The following SSBP2 variants were observed in gnomAD, a reference collection of about 807,000 sequenced individuals.
SSBP2 encodes the protein single-stranded DNA-binding protein 2.
In SSBP2, 17 loss-of-function variants were observed where a neutral mutation model predicts 61.8. That is an observed-to-expected ratio of 0.28 (90% CI 0.19 to 0.41). The LOEUF (loss-of-function observed/expected upper bound fraction) is 0.41, where lower values mean the gene tolerates loss of function less well. Ranked by LOEUF, SSBP2 falls within the 10% of genes least tolerant of loss-of-function variation. The probability of loss-of-function intolerance (pLI) is 1.00; values close to 1 mark genes in which losing one functional copy is unlikely to be tolerated. For missense variants in SSBP2, 310 were observed against 458.7 expected, an observed-to-expected ratio of 0.68 and a Z score of 2.96; for synonymous variants, 139 against 141.3, an observed-to-expected ratio of 0.98 and a Z score of 0.12.
intron 1 of SSBP2, among the ~76,000 whole-genome samples, chr5:81,683,054 G>A (rs1182460966): frequency 1.3e-5 from 2 of 152,042 alleles, no homozygotes; most frequent in Non-Finnish European, 2.9e-5. Context: ...TCATGGAGAG[G>A]AAGACTCAAT....
At chr5:81,439,905 T>C (rs1476632208) in intron 14 of SSBP2, among the ~76,000 whole-genome samples, 1 of 151,916 alleles carries the variant, frequency 6.6e-6, no homozygotes, top group Non-Finnish European at 1.5e-5. Flanking sequence ...TCTCCTGACC[T>C]CATGATCTGC....
intron 1 of SSBP2, among the ~76,000 whole-genome samples, chr5:81,663,296 G>A (rs1001392801): frequency 1.7e-4 from 26 of 151,954 alleles, no homozygotes; most frequent in African/African-American, 5.6e-4. Flanking sequence ...ATACATGTCC[G>A]TATGTATGTA....
In SSBP2 at chr5:81,455,736, A is replaced by G. The variant is rs113009024; in HGVS notation, c.687+5319T>C. On this transcript the variant is annotated intron_variant, in intron 10 of 16. Transcript: ENST00000320672. ...AAAGGTAAAAATGAAGATGTAGAAG[A>G]TAAGCAAAATTAGAGGATTAGAAAG... is the stretch of plus-strand genomic sequence containing the variant. Among the ~76,000 whole-genome samples the G allele has an allele frequency of 9.3e-3, 1,417 of 152,186 alleles. 17 individuals are homozygous for G. Among genetic ancestry groups the G allele is most frequent in the African/African-American group, 0.032 (1,334 of 41,556 alleles).
intron 1 of SSBP2, among the ~76,000 whole-genome samples, chr5:81,722,521 T>C (rs1253575791): frequency 6.6e-6 from 1 of 151,576 alleles, no homozygotes; most frequent in African/African-American, 2.4e-5. Context: ...TTTACAAGAA[T>C]GGCATGCCCT....
At chr5:81,513,266 C>T (rs1272623523) in intron 5 of SSBP2, among the ~76,000 whole-genome samples, 1 of 152,054 alleles carries the variant, frequency 6.6e-6, no homozygotes, top group Admixed American at 6.6e-5. Flanking sequence ...ACAGCCAAAT[C>T]TTAATCATCT....
chr5:81,656,501 C>G (rs921644520), intron 1 of SSBP2, among the ~76,000 whole-genome samples: 1 of 151,964 alleles, frequency 6.6e-6, no homozygotes, highest in Non-Finnish European at 1.5e-5. Flanking sequence ...TCTGGGGGAA[C>G]AGGTGGTATT....
intron 1 of SSBP2, among the ~76,000 whole-genome samples, chr5:81,679,155 C>T (rs562730176): frequency 2.0e-5 from 3 of 152,296 alleles, no homozygotes; most frequent in Non-Finnish European, 2.9e-5. Context: ...ATTATAGGTA[C>T]ACACCACCAC....
Position 81,466,982 on chromosome 5 carries a change from T to A in SSBP2, c.630A>T (p.Gly210=), listed in dbSNP as rs769034279. ...GATATAACATTGCTTACATGTTCAT[T>A]CCAGGCATTCCAGGGCCACCTAAAG... is the stretch of plus-strand genomic sequence containing the variant. The change falls in exon 9 of 17, where the codon GGA becomes GGT. Residue 210 remains glycine (G), a synonymous_variant. Transcript: ENST00000320672. 1.2e-6 allele frequency: 2 copies of A among 1,605,888 alleles called. No individual in the cohort carries two copies. Among genetic ancestry groups the A allele is most frequent in the Non-Finnish European group, 8.5e-7 (1 of 1,173,880 alleles).
intron 1 of SSBP2, among the ~76,000 whole-genome samples, chr5:81,672,350 G>A (rs1172329823): frequency 6.6e-6 from 1 of 151,892 alleles, no homozygotes; most frequent in African/African-American, 2.4e-5. Flanking sequence ...AAAATCATAA[G>A]CAAATACCCA....
chr5:81,581,532 G>GA lies in SSBP2; in HGVS notation c.282+33940dup, dbSNP rs1774647863. Among the ~76,000 whole-genome samples the GA allele has an allele frequency of 2.0e-5, 3 of 152,090 alleles. No homozygotes were observed. In the South Asian group the frequency reaches 6.2e-4, roughly 31 times the overall value. On this transcript the variant is annotated intron_variant, in intron 4 of 16. Coordinates refer to ENST00000320672, the MANE Select transcript of SSBP2 (RefSeq NM_012446.5). ...ATTTCAACCTTTTAAAAACAGTAGA[G>GA]AAAAAATGGTAACTGTTTCTCATAG...
At chr5:81,422,151 C>T (rs1206696277) in intron 16 of SSBP2, among the ~76,000 whole-genome samples, 1 of 152,092 alleles carries the variant, frequency 6.6e-6, no homozygotes, top group East Asian at 1.9e-4. Flanking sequence ...AGGGATTGGT[C>T]CCAGGTTCCA....
chr5:81,643,595 C>CTTTTTTTTTTTTTT (rs368511957), intron 2 of SSBP2, among the ~76,000 whole-genome samples: 2 of 60,272 alleles, frequency 3.3e-5, no homozygotes, highest in Non-Finnish European at 5.9e-5. Context: ...TTTTTCCTTT[C>CTTTTTTTTTTTTTT]TTTTTTTTTT....
At chr5:81,717,071 T>TA (rs1388587189) in intron 1 of SSBP2, among the ~76,000 whole-genome samples, 1 of 152,178 alleles carries the variant, frequency 6.6e-6, no homozygotes, top group East Asian at 1.9e-4. Context: ...TTCTTAATAT[T>TA]AATATAACCT....
chr5:81,655,422 A>T (rs888638455), intron 1 of SSBP2, among the ~76,000 whole-genome samples: 1 of 152,104 alleles, frequency 6.6e-6, no homozygotes, highest in Non-Finnish European at 1.5e-5. Flanking sequence ...AGTCGTTTTT[A>T]AAAAACATTG....
intron 2 of SSBP2, among the ~76,000 whole-genome samples, chr5:81,647,569 T>C (rs925049158): frequency 1.3e-5 from 2 of 152,212 alleles, no homozygotes; most frequent in Middle Eastern, 3.4e-3. Context: ...GCAGCCTAGA[T>C]AGTGAAGAAT....
intron 5 of SSBP2, 97 bp from the exon 6 acceptor site, chr5:81,489,406 CA>C (rs2154052641): frequency 1.0e-6 from 1 of 996,346 alleles, no homozygotes; most frequent in African/African-American, 1.7e-5. Flanking sequence ...TAGAATTAAT[CA>C]AATCACAAAT....
At chr5:81,657,598 T>TG (rs1750335265) in intron 1 of SSBP2, among the ~76,000 whole-genome samples, 1 of 152,166 alleles carries the variant, frequency 6.6e-6, no homozygotes, top group Admixed American at 6.6e-5. Context: ...ATGGCCAACT[T>TG]GGAGTTGGGC....
chr5:81,594,815 C>G (rs890415115), intron 4 of SSBP2, among the ~76,000 whole-genome samples: 28 of 152,150 alleles, frequency 1.8e-4, no homozygotes, highest in African/African-American at 6.7e-4. Context: ...ACACAACATA[C>G]CAGAATCTCT....
intron 1 of SSBP2, among the ~76,000 whole-genome samples, chr5:81,681,758 CAG>C (rs1752404530): frequency 2.0e-5 from 3 of 151,908 alleles, no homozygotes; most frequent in Admixed American, 6.6e-5. Flanking sequence ...AGGAAACCAA[CAG>C]AGAAAATCAA....
Sources: gnomAD v4.1 joint callset for allele counts (sites outside exome capture counted in the v4.1 genomes callset) on GRCh38, gnomAD v4.1.1 for gene constraint, MANE v1.5 for transcripts, NCBI Gene and HGNC (gene_info 2026-07-23, HGNC 2026-07-21) for gene names.